Variants in MAN2A1 observed in about 807,000 individuals in gnomAD.
MAN2A1 encodes the protein alpha-mannosidase 2.
Under a neutral mutation model 142.6 loss-of-function variants are expected in MAN2A1, and 76 were observed. The ratio of observed to expected loss-of-function variants is 0.53; its 90% CI spans 0.44 to 0.65. The LOEUF is 0.65. Ranked by LOEUF, MAN2A1 falls within the 30% of genes least tolerant of loss-of-function variation. MAN2A1 has a pLI of 0.00. For synonymous variants in MAN2A1, 559 were observed against 473.2 expected, an observed-to-expected ratio of 1.18 and a Z score of -2.35; for missense variants, 1,311 against 1,365.1, an observed-to-expected ratio of 0.96 and a Z score of 0.62.
intron 16 of MAN2A1, among the ~76,000 whole-genome samples, chr5:109,832,161 C>CTTTTTTTTTTTTTTTTTTTTTTT: frequency 2.0e-5 from 1 of 51,230 alleles, no homozygotes; most frequent in East Asian, 5.3e-4. Flanking sequence ...AAGGAGTTTT[C>CTTTTTTTTTTTTTTTTTTTTTTT]TTTTTTTTTT....
At chr5:109,690,710 T>G (rs1750642892) in intron 1 of MAN2A1, among the ~76,000 whole-genome samples, 158 bp downstream of exon 1, 1 of 152,084 alleles carries the variant, frequency 6.6e-6, no homozygotes, top group Non-Finnish European at 1.5e-5. Context: ...GATCACCTCC[T>G]GGGAGCCACC....
chr5:109,789,842 AACCTTT>A (rs1753692131), intron 12 of MAN2A1, among the ~76,000 whole-genome samples: 1 of 151,798 alleles, frequency 6.6e-6, no homozygotes, highest in Admixed American at 6.6e-5. Flanking sequence ...TTTCTTGATT[AACCTTT>A]CATTTAACTA....
chr5:109,775,037 A>T, intron 8 of MAN2A1, 72 bp downstream of exon 8: 2 of 1,025,638 alleles, frequency 2.0e-6, no homozygotes, highest in Non-Finnish European at 2.8e-6. Context: ...ATAAACAGAA[A>T]TCCTTAGCTT....
In MAN2A1 at chr5:109,713,658, A is replaced by T; in HGVS notation, c.274A>T (p.Ser92Cys). The T allele has an allele frequency of 1.2e-6, 2 of 1,614,246 alleles. No homozygotes were observed. Among genetic ancestry groups the T allele is most frequent in the Non-Finnish European group, 1.7e-6 (2 of 1,180,046 alleles). The change falls in exon 2 of 22, where the codon AGC (serine) becomes TGC (cysteine). Residue 92 changes from serine to cysteine, a missense_variant. Ser to Cys is a moderately radical substitution (Grantham distance 112, BLOSUM62 -1). Around this residue, in one of 3 missense-constraint regions of MAN2A1, gnomAD observed 409 missense variants for 412.7 expected, o/e 0.99. Transcript: ENST00000261483. ...SVEDGPKSSQ[S>C]NFSQGAGSHL... The stretch of plus-strand genomic sequence containing the variant: ...GGAGGATGGTCCGAAAAGTTCACAA[A>T]GCAATTTCAGCCAAGGTGCTGGCTC...
chr5:109,868,918 G>A lies in MAN2A1; in HGVS notation c.*1920G>A, dbSNP rs1459638093. On this transcript the variant is annotated 3_prime_UTR_variant, in exon 22 of 22. Coordinates refer to ENST00000261483, the MANE Select transcript of MAN2A1 (RefSeq NM_002372.4). ...TAAGTGGGTGTGCTTAATCATTCTC[G>A]AAATTGTGATCAGATGAAATAAAAA... 1 of 151,940 alleles carries A rather than the reference G, an allele frequency of 6.6e-6. No individual in the cohort carries two copies. The highest frequency in any genetic ancestry group is 2.4e-5 in the African/African-American group (1 of 41,336). The allele number at this position is 151,940 out of a possible 1,614,324, so 9.4% of individuals were successfully genotyped here. A position where few individuals can be genotyped will look rare whatever the true frequency, so the allele number is the denominator to read the frequency against.
intron 4 of MAN2A1, among the ~76,000 whole-genome samples, chr5:109,732,742 C>G (rs10477975): frequency 6.6e-6 from 1 of 151,924 alleles, no homozygotes; most frequent in African/African-American, 2.4e-5. Context: ...TGGTACCAGT[C>G]CCATGCTGTT....
intron 5 of MAN2A1, among the ~76,000 whole-genome samples, chr5:109,759,740 T>C (rs1209855572): frequency 6.6e-6 from 1 of 152,148 alleles, no homozygotes; most frequent in Non-Finnish European, 1.5e-5. Flanking sequence ...GTTCTGATTG[T>C]TCCACATTTT....
intron 10 of MAN2A1, among the ~76,000 whole-genome samples, chr5:109,787,546 C>A (rs1300231578): frequency 6.6e-6 from 1 of 151,966 alleles, no homozygotes; most frequent in African/African-American, 2.4e-5. Context: ...TCTATACATC[C>A]TGAGAAAACA....
chr5:109,747,380 A>G (rs1362617354), intron 4 of MAN2A1, among the ~76,000 whole-genome samples: 1 of 152,200 alleles, frequency 6.6e-6, no homozygotes, highest in Non-Finnish European at 1.5e-5. Context: ...TGCAAAATAC[A>G]TTATAAACAT....
At chr5:109,827,114 G>T (rs925965270) in intron 16 of MAN2A1, among the ~76,000 whole-genome samples, 6 of 152,202 alleles carry the variant, frequency 3.9e-5, no homozygotes, top group African/African-American at 1.4e-4. Context: ...GAGCCTATTT[G>T]TTGTTAGTAC....
chr5:109,817,364 T>G lies in MAN2A1; in HGVS notation c.2035T>G (p.Ser679Ala), dbSNP rs1021197744. Residue 679 changes from serine to alanine, a missense_variant, in exon 13 of 22, where the codon TCA (serine) becomes GCA (alanine). By Grantham distance (99) the Ser-to-Ala change is moderately conservative. This residue lies in a region of MAN2A1 where 890 missense variants were observed against 920.5 expected (regional missense o/e 0.97). Coordinates refer to ENST00000261483, the MANE Select transcript of MAN2A1 (RefSeq NM_002372.4). ...SSPTVQVFSASGKPVEVQVSA... is the reference protein window; with the variant it reads ...SSPTVQVFSAAGKPVEVQVSA... Reference sequence around the variant, plus strand: ...CCCGACAGTGCAAGTGTTCTCTGCTTCAGGAAAACCTGTGGAAGTTCAAGT... The same window carrying G: ...CCCGACAGTGCAAGTGTTCTCTGCTGCAGGAAAACCTGTGGAAGTTCAAGT... The G allele has an allele frequency of 3.7e-6, 6 of 1,614,160 alleles. No individual in the cohort carries two copies. Among genetic ancestry groups the G allele is most frequent in the Non-Finnish European group, 5.1e-6 (6 of 1,180,012 alleles).
rs888244765 is a variant in MAN2A1, at chr5:109,738,825, A to C, written c.707+9312A>C. ...GTAATTTTTAATGCTGAAGTCTTCT[A>C]TAATGGGAGACTTTTCTTTTAGTTT... On this transcript the variant is annotated intron_variant, in intron 4 of 21. Transcript: ENST00000261483. Among the ~76,000 whole-genome samples, 3 of 152,024 alleles carry C rather than the reference A, an allele frequency of 2.0e-5. No individual in the cohort carries two copies. In the East Asian group the frequency reaches 5.8e-4, roughly 29 times the overall value.
chr5:109,788,243 C>G (rs1753645476), intron 10 of MAN2A1, among the ~76,000 whole-genome samples: 1 of 149,570 alleles, frequency 6.7e-6, no homozygotes, highest in South Asian at 2.1e-4. Context: ...AATCTTCAAG[C>G]AAGTTCTTTT....
chr5:109,758,237 T>C (rs943390964), intron 5 of MAN2A1, among the ~76,000 whole-genome samples: 3 of 152,128 alleles, frequency 2.0e-5, no homozygotes, highest in African/African-American at 4.8e-5. Context: ...GAAATGGTAA[T>C]CTCATTGTGA....
intron 3 of MAN2A1, among the ~76,000 whole-genome samples, chr5:109,721,161 G>T (rs1037851214): frequency 6.6e-6 from 1 of 152,204 alleles, no homozygotes; most frequent in African/African-American, 2.4e-5. Context: ...TTTGTTCAAA[G>T]TCAGTTAATT....
intron 13 of MAN2A1, among the ~76,000 whole-genome samples, chr5:109,818,935 C>T (rs1370192244): frequency 6.6e-6 from 1 of 152,086 alleles, no homozygotes; most frequent in South Asian, 2.1e-4. Context: ...CCAGGACCCT[C>T]TGGGGATAAC....
At chr5:109,761,341 A>G (rs969841093) in intron 5 of MAN2A1, among the ~76,000 whole-genome samples, 2 of 151,694 alleles carry the variant, frequency 1.3e-5, no homozygotes, top group African/African-American at 4.8e-5. Context: ...TGTATTAAGT[A>G]TCATATTATA....
chr5:109,843,413 A>C (rs1298975610), intron 17 of MAN2A1, among the ~76,000 whole-genome samples: 1 of 152,172 alleles, frequency 6.6e-6, no homozygotes, highest in Non-Finnish European at 1.5e-5. Flanking sequence ...TCTCTCTCTC[A>C]ACACCTGGGG....
chr5:109,830,891 A>C (rs1183718921), intron 16 of MAN2A1, among the ~76,000 whole-genome samples: 1 of 152,234 alleles, frequency 6.6e-6, no homozygotes, highest in Non-Finnish European at 1.5e-5. Context: ...ACACAGATTC[A>C]GAACTCAGAG....
Sources: gnomAD v4.1 joint callset for allele counts (sites outside exome capture counted in the v4.1 genomes callset) on GRCh38, gnomAD v4.1.1 for gene constraint, gnomAD v4.1.1 regional missense constraint, MANE v1.5 for transcripts, NCBI Gene and HGNC (gene_info 2026-07-23, HGNC 2026-07-21) for gene names.